CTNNA3: variants seen among roughly 807,000 people sequenced by gnomAD.
CTNNA3 encodes the protein catenin alpha-3.
A neutral mutation model predicts 95.7 loss-of-function variants in CTNNA3; 76 were observed. The ratio of observed to expected loss-of-function variants is 0.79; its 90% CI spans 0.66 to 0.96. The LOEUF (loss-of-function observed/expected upper bound fraction) is 0.96, where lower values mean the gene tolerates loss of function less well. Ranked by LOEUF, CTNNA3 falls within the 40% of genes least tolerant of loss-of-function variation. The probability of loss-of-function intolerance (pLI) is 0.00; values close to 1 mark genes in which losing one functional copy is unlikely to be tolerated. For missense variants in CTNNA3, 1,191 were observed against 1,089.8 expected, an observed-to-expected ratio of 1.09 and a Z score of -1.31; for synonymous variants, 431 against 374.4, an observed-to-expected ratio of 1.15 and a Z score of -1.74.
chr10:67,170,993 G>C lies in CTNNA3; in HGVS notation c.1047+9324C>G, dbSNP rs192630855. 1.3e-3 allele frequency among the ~76,000 whole-genome samples: 195 copies of C among 152,178 alleles called. 2 individuals are homozygous for C. Among genetic ancestry groups the C allele is most frequent in the African/African-American group, 4.6e-3 (192 of 41,546 alleles). On this transcript the variant is annotated intron_variant, in intron 7 of 17. Coordinates refer to ENST00000433211, the MANE Select transcript of CTNNA3 (RefSeq NM_013266.4). ...GTTTATATTGATTGCATATTGAAAT[G>C]ATGATATTTTGCATACACTGACTTA... is the stretch of plus-strand genomic sequence containing the variant.
At chr10:66,083,837 A>G (rs1186909608) in intron 14 of CTNNA3, among the ~76,000 whole-genome samples, 1 of 152,254 alleles carries the variant, frequency 6.6e-6, no homozygotes, top group Non-Finnish European at 1.5e-5. Flanking sequence ...GATTTACATT[A>G]GAAATGATAG....
chr10:66,012,567 A>G (rs1210396196), intron 15 of CTNNA3, among the ~76,000 whole-genome samples: 1 of 152,234 alleles, frequency 6.6e-6, no homozygotes, highest in East Asian at 1.9e-4. Flanking sequence ...TAAAAAATAC[A>G]TAATCATAGA....
At chr10:66,604,864 C>G (rs1844061510) in intron 10 of CTNNA3, among the ~76,000 whole-genome samples, 1 of 151,454 alleles carries the variant, frequency 6.6e-6, no homozygotes, top group South Asian at 2.1e-4. Context: ...GAGAAACAAC[C>G]AACACAAGAA....
intron 7 of CTNNA3, chr10:66,837,533 T>A (rs1401443027): frequency 6.6e-6 from 1 of 152,110 alleles, no homozygotes; most frequent in African/African-American, 2.4e-5. Flanking sequence ...AAGTCTCTCT[T>A]GTTGTTGGAC....
At chr10:66,644,096 A>G (rs987112774) in intron 9 of CTNNA3, among the ~76,000 whole-genome samples, 8 of 152,050 alleles carry the variant, frequency 5.3e-5, no homozygotes, top group Admixed American at 1.3e-4. Flanking sequence ...CGTCTCTGCA[A>G]AAAATACAAA....
chr10:67,590,705 G>A (rs557912411), intron 3 of CTNNA3, among the ~76,000 whole-genome samples: 1 of 151,692 alleles, frequency 6.6e-6, no homozygotes, highest in Non-Finnish European at 1.5e-5. Flanking sequence ...ATTCTTTTCG[G>A]GCCATTTTCC....
chr10:66,180,462 G>A (rs921604316), intron 13 of CTNNA3, among the ~76,000 whole-genome samples: 1 of 152,126 alleles, frequency 6.6e-6, no homozygotes, highest in Non-Finnish European at 1.5e-5. Context: ...GGCTCCTAGA[G>A]GGATTGAACT....
rs372712619 is a variant in CTNNA3 at position 66,777,762 on chromosome 10, TACACACACAC to T, written c.1048-2248_1048-2239del. On this transcript the variant is annotated intron_variant, in intron 7 of 17. Transcript: ENST00000433211. ...AAGTGGGACAGACAAAGAGACCTCC[TACACACACAC>T]ACACACACACACACACACACACACA... 6.8e-4 allele frequency among the ~76,000 whole-genome samples: 93 copies of T among 136,950 alleles called. 2 individuals are homozygous for T. In the South Asian group the frequency reaches 0.021, roughly 31 times the overall value. 89.8% of individuals were successfully genotyped at this position (136,950 alleles called of 152,430 possible).
chr10:67,172,501 T>A (rs574505437), intron 7 of CTNNA3, among the ~76,000 whole-genome samples: 1 of 152,248 alleles, frequency 6.6e-6, no homozygotes, highest in South Asian at 2.1e-4. Context: ...CCATCATATG[T>A]ATTCTTGTGT....
chr10:67,006,029 A>C (rs182163037), intron 7 of CTNNA3, among the ~76,000 whole-genome samples: 1 of 151,888 alleles, frequency 6.6e-6, no homozygotes, highest in South Asian at 2.1e-4. Context: ...ATTATTCAGC[A>C]TCTTATCTCA....
chr10:66,234,229 A>G (rs1382585255), intron 13 of CTNNA3, among the ~76,000 whole-genome samples: 5 of 152,110 alleles, frequency 3.3e-5, no homozygotes, highest in African/African-American at 1.2e-4. Flanking sequence ...TTCTTTTTAC[A>G]TATGTTACAC....
intron 12 of CTNNA3, among the ~76,000 whole-genome samples, chr10:66,285,441 AAAT>A (rs1451671177): frequency 4.0e-5 from 6 of 151,820 alleles, no homozygotes; most frequent in Non-Finnish European, 7.4e-5. Flanking sequence ...TAATATTAAT[AAAT>A]AATATTTCTG....
intron 15 of CTNNA3, among the ~76,000 whole-genome samples, chr10:66,017,665 C>T (rs2079120319): frequency 6.6e-6 from 1 of 152,066 alleles, no homozygotes. Flanking sequence ...CATCAACAGG[C>T]ACATTTAGGA....
At chr10:65,968,300 C>G (rs1420218081) in intron 16 of CTNNA3, among the ~76,000 whole-genome samples, 1 of 151,818 alleles carries the variant, frequency 6.6e-6, no homozygotes, top group Admixed American at 6.6e-5. Context: ...TGCCTGAGCC[C>G]GAGAAGTTAA....
chr10:67,431,114 T>C (rs981336828), intron 5 of CTNNA3, among the ~76,000 whole-genome samples: 5 of 151,916 alleles, frequency 3.3e-5, no homozygotes, highest in African/African-American at 1.2e-4. Context: ...TCTCAAACTG[T>C]CATAGGTATT....
At chr10:66,176,565 C>T (rs2085725248) in intron 13 of CTNNA3, among the ~76,000 whole-genome samples, 1 of 151,972 alleles carries the variant, frequency 6.6e-6, no homozygotes, top group South Asian at 2.1e-4. Flanking sequence ...TTGTGTCCCC[C>T]TAAAATTCAT....
At chr10:66,609,189 A>G (rs1054637431) in intron 10 of CTNNA3, among the ~76,000 whole-genome samples, 7 of 151,394 alleles carry the variant, frequency 4.6e-5, no homozygotes, top group Non-Finnish European at 1.0e-4. Flanking sequence ...CCTCCCAAGA[A>G]GCTGGGACCA....
intron 9 of CTNNA3, among the ~76,000 whole-genome samples, chr10:66,733,553 ATTTG>A (rs1437094285): frequency 6.6e-6 from 1 of 151,660 alleles, no homozygotes; most frequent in Non-Finnish European, 1.5e-5. Flanking sequence ...TATATTTTTT[ATTTG>A]TTTAATTTGT....
chr10:67,191,253 A>G, intron 6 of CTNNA3, among the ~76,000 whole-genome samples: 1 of 152,086 alleles, frequency 6.6e-6, no homozygotes, highest in African/African-American at 2.4e-5. Context: ...TCCTAGCCAG[A>G]GCAATTAAGC....
Sources: gnomAD v4.1 joint callset for allele counts (sites outside exome capture counted in the v4.1 genomes callset) on GRCh38, gnomAD v4.1.1 for gene constraint, MANE v1.5 for transcripts, NCBI Gene and HGNC (gene_info 2026-07-23, HGNC 2026-07-21) for gene names.